The following ABCC5 variants were observed in gnomAD, a reference collection of about 807,000 sequenced individuals.
ABCC5 encodes the protein ATP-binding cassette sub-family C member 5.
ABCC5 carries 61 observed loss-of-function variants against 160.9 expected under a neutral mutation model. The ratio of observed to expected loss-of-function variants is 0.38; its 90% CI spans 0.31 to 0.47. ABCC5 has a LOEUF of 0.47. Among genes scored for constraint, ABCC5 ranks in the 20% least tolerant of loss-of-function variants. The pLI, the probability that ABCC5 is intolerant of heterozygous loss-of-function variation, is 0.99. For synonymous variants in ABCC5, 666 were observed against 700.6 expected, an observed-to-expected ratio of 0.95 and a Z score of 0.78; for missense variants, 1,308 against 1,813.3, an observed-to-expected ratio of 0.72 and a Z score of 5.06.
chr3:183,985,873 CACA>C (rs1345558642), intron 5 of ABCC5: 1 of 185,640 alleles, frequency 5.4e-6, no homozygotes, highest in African/African-American at 2.3e-5. Context: ...ACAAACAGAA[CACA>C]ACAACTTGAC....
intron 1 of ABCC5, among the ~76,000 whole-genome samples, chr3:184,016,733 C>A (rs1431599591): frequency 6.6e-6 from 1 of 152,170 alleles, no homozygotes; most frequent in Non-Finnish European, 1.5e-5. Flanking sequence ...GAATAATCAA[C>A]GTGGGAGAAC....
intron 26 of ABCC5, among the ~76,000 whole-genome samples, chr3:183,937,075 C>T (rs962056732): frequency 6.6e-6 from 1 of 152,122 alleles, no homozygotes; most frequent in Non-Finnish European, 1.5e-5. Flanking sequence ...CTGAAAGCCA[C>T]CATTGGAACT....
chr3:183,966,202 G>C (rs960939372), intron 12 of ABCC5, among the ~76,000 whole-genome samples: 2 of 152,210 alleles, frequency 1.3e-5, no homozygotes, highest in Non-Finnish European at 2.9e-5. Context: ...TAACCAGCCT[G>C]TGCAGTACTT....
At chr3:183,994,856 T>C (rs1004069653) in intron 2 of ABCC5, among the ~76,000 whole-genome samples, 10 of 118,464 alleles carry the variant, frequency 8.4e-5, no homozygotes, top group Admixed American at 5.8e-4. Context: ...ATTTTCTATG[T>C]TTTTTTTTTT....
chr3:183,920,326 G>A lies in ABCC5; in HGVS notation c.*974C>T, dbSNP rs1393185424. On this transcript the variant is annotated 3_prime_UTR_variant, in exon 30 of 30. Transcript: ENST00000334444. The surrounding 1 kb of genome is among the most constrained non-coding windows in gnomAD (Gnocchi z 4.1). ...TCCTGAGCCCTGCCACTGAACTGTG[G>A]AGGTGTGGGAATAGGCAAATGAAAA... is the stretch of plus-strand genomic sequence containing the variant. 6.5e-6 allele frequency: 1 copy of A among 152,682 alleles called. No homozygotes were observed. The highest frequency in any genetic ancestry group is 2.4e-5 in the African/African-American group (1 of 41,440). The allele number at this position is 152,682 out of a possible 1,614,324, so 9.5% of individuals were successfully genotyped here.
At chr3:184,001,140 C>G (rs1720709093) in intron 2 of ABCC5, 1 of 424,152 alleles carries the variant, frequency 2.4e-6, no homozygotes, top group Non-Finnish European at 4.2e-6. Flanking sequence ...GTAGTCCTAG[C>G]TACTCAGGAG....
chr3:183,982,921 G>C lies in ABCC5; in HGVS notation c.678C>G (p.Leu226=). ...QYSLLLVLGL[L]LTEIVRSWSL... ...ACCAAGACCGCACGATTTCCGTCAG[G>C]AGGAGGCCCAGCACTAACAACAAGC... Residue 226 remains leucine, a synonymous_variant, in exon 6 of 30, where the codon CTC becomes CTG. Coordinates refer to ENST00000334444, the MANE Select transcript of ABCC5 (RefSeq NM_005688.4). This position sits in a 1 kb window ranked among gnomAD's most constrained non-coding sequence, Gnocchi z 5.2. 1 of 1,614,254 alleles carries C rather than the reference G, an allele frequency of 6.2e-7. No individual in the cohort carries two copies. Among genetic ancestry groups the C allele is most frequent in the South Asian group, 1.1e-5 (1 of 91,086 alleles).
intron 2 of ABCC5, among the ~76,000 whole-genome samples, chr3:184,001,988 G>C (rs888350506): frequency 5.3e-5 from 8 of 152,132 alleles, no homozygotes; most frequent in Non-Finnish European, 1.2e-4. Flanking sequence ...GAGGAAGTAT[G>C]ACTGCCATTT....
intron 12 of ABCC5, among the ~76,000 whole-genome samples, chr3:183,965,867 G>A (rs1717173469): frequency 6.6e-6 from 1 of 152,122 alleles, no homozygotes; most frequent in Non-Finnish European, 1.5e-5. Flanking sequence ...TCAACATGGG[G>A]GCAGGCCAAC....
Position 183,995,486 on chromosome 3 carries a change from G to A in ABCC5, c.130-6103C>T, listed in dbSNP as rs180911823. On this transcript the variant is annotated intron_variant, in intron 2 of 29. Coordinates refer to ENST00000334444, the MANE Select transcript of ABCC5 (RefSeq NM_005688.4). ...GTATAAAGTGTAAGGTTTCGGCAAA[G>A]GTTCACTTTTTTGCCTACAGATGTC... is the stretch of plus-strand genomic sequence containing the variant. 9.2e-5 allele frequency among the ~76,000 whole-genome samples: 14 copies of A among 152,244 alleles called. No homozygotes were observed. In the East Asian group the frequency reaches 2.3e-3, roughly 25 times the overall value.
chr3:183,946,693 CAG>C, intron 23 of ABCC5, among the ~76,000 whole-genome samples: 1 of 152,130 alleles, frequency 6.6e-6, no homozygotes, highest in East Asian at 1.9e-4. Flanking sequence ...AAGCAAATCG[CAG>C]AGAGCTTATC....
intron 10 of ABCC5, among the ~76,000 whole-genome samples, chr3:183,976,486 C>A (rs1014631284): frequency 6.6e-6 from 1 of 152,020 alleles, no homozygotes; most frequent in African/African-American, 2.4e-5. Context: ...AACTCCTGGG[C>A]TCAAGTGAGC....
chr3:183,950,089 A>G lies in ABCC5; in HGVS notation c.2981T>C (p.Ile994Thr). 6.2e-7 allele frequency: 1 copy of G among 1,614,178 alleles called. No homozygotes were observed. The highest frequency in any genetic ancestry group is 8.5e-7 in the Non-Finnish European group (1 of 1,180,046). Residue 994 changes from isoleucine (I) to threonine (T), a missense_variant, in exon 21 of 30, where the codon ATC (isoleucine) becomes ACC (threonine). Transcript: ENST00000334444. ...VRLPFQAEMF[I>T]QNVILVFFCV... Reference sequence around the variant, plus strand: ...GAAGAACACCAGGATAACGTTCTGGATGAACATCTCGGCCTGGAACGGCAG... The same window carrying G: ...GAAGAACACCAGGATAACGTTCTGGGTGAACATCTCGGCCTGGAACGGCAG...
At chr3:183,966,765 C>G (rs2108827094) in intron 12 of ABCC5, among the ~76,000 whole-genome samples, 1 of 152,220 alleles carries the variant, frequency 6.6e-6, no homozygotes, top group South Asian at 2.1e-4. Flanking sequence ...CTGACTCAGA[C>G]AGCCCCAGGC....
chr3:183,950,246 C>T (rs1715220735), intron 20 of ABCC5, 121 bp from the exon 21 acceptor site: 1 of 1,201,358 alleles, frequency 8.3e-7, no homozygotes, highest in Non-Finnish European at 1.1e-6. Context: ...TGTCTTTAAA[C>T]AGTCTGATCA....
intron 2 of ABCC5, 103 bp downstream of exon 2, chr3:184,014,161 C>A (rs1418310508): frequency 7.1e-6 from 8 of 1,125,804 alleles, no homozygotes; most frequent in African/African-American, 1.6e-5. Context: ...GCGTGAGCCA[C>A]CGCGCCCGGC....
At chr3:183,979,340 A>G (rs1244035322) in intron 8 of ABCC5, among the ~76,000 whole-genome samples, 1 of 145,226 alleles carries the variant, frequency 6.9e-6, no homozygotes, top group African/African-American at 2.5e-5. Context: ...GCCAGGCCTT[A>G]TCTCAAAAAA....
At chr3:183,969,712 A>AG (rs1317704313) in intron 11 of ABCC5, among the ~76,000 whole-genome samples, 1 of 150,394 alleles carries the variant, frequency 6.6e-6, no homozygotes, top group Non-Finnish European at 1.5e-5. Flanking sequence ...AAAAAAAAAA[A>AG]GTTAACTGAA....
At chr3:183,956,978 G>T (rs1463145549) in intron 17 of ABCC5, among the ~76,000 whole-genome samples, 1 of 129,384 alleles carries the variant, frequency 7.7e-6, no homozygotes, top group Non-Finnish European at 1.7e-5. Context: ...GGTTACATGC[G>T]GATCCGTGTG....
Sources: allele counts gnomAD v4.1 joint callset (sites outside exome capture counted in the v4.1 genomes callset), GRCh38; gene constraint gnomAD v4.1.1; non-coding constraint Gnocchi (gnomAD v3.1); transcripts MANE v1.5; gene names NCBI Gene and HGNC (gene_info 2026-07-23, HGNC 2026-07-21).